FLNB: variants seen among roughly 807,000 people sequenced by gnomAD.
The protein encoded by FLNB is filamin B, also known as filamin-B.
In FLNB, 111 loss-of-function variants were observed where a neutral mutation model predicts 250.6. That is an observed-to-expected ratio of 0.44 (90% CI 0.38 to 0.52). FLNB has a LOEUF of 0.52. FLNB is among the 20% of genes least tolerant of loss of function. The probability of loss-of-function intolerance (pLI) is 0.00; values close to 1 mark genes in which losing one functional copy is unlikely to be tolerated. For missense variants in FLNB, 2,869 were observed against 3,447.8 expected (o/e 0.83, Z 4.20); for synonymous variants, 1,302 against 1,372.1 (o/e 0.95, Z 1.13).
In FLNB at chr3:58,081,791, T is replaced by G; in HGVS notation, c.787+15T>G. On this transcript the variant is annotated intron_variant, in intron 4 of 45. Transcript: ENST00000295956. ...CTATGGCAGAGGTGAGTGCTGGTCC[T>G]CTGGTGTTGTATTGGAGACATGTCC... is the stretch of plus-strand genomic sequence containing the variant. 1 of 1,614,030 alleles carries G rather than the reference T, an allele frequency of 6.2e-7. No homozygotes were observed. Among genetic ancestry groups the G allele is most frequent in the African/African-American group, 1.3e-5 (1 of 75,040 alleles).
At chr3:58,070,298 C>A (rs767736209) in intron 1 of FLNB, among the ~76,000 whole-genome samples, 1 of 152,058 alleles carries the variant, frequency 6.6e-6, no homozygotes, top group Non-Finnish European at 1.5e-5. Flanking sequence ...CCTGCCTCGG[C>A]CTCCCAAAGT....
At chr3:58,051,477 C>G (rs1233813024) in intron 1 of FLNB, among the ~76,000 whole-genome samples, 1 of 152,148 alleles carries the variant, frequency 6.6e-6, no homozygotes, top group East Asian at 1.9e-4. Flanking sequence ...TATACTTTTT[C>G]TGGTCTGCTA....
chr3:58,041,235 C>T (rs1218191710), intron 1 of FLNB, among the ~76,000 whole-genome samples: 1 of 152,202 alleles, frequency 6.6e-6, no homozygotes, highest in Non-Finnish European at 1.5e-5. Context: ...CTTTCAGTAT[C>T]ACTTTATGAT....
intron 20 of FLNB, 127 bp downstream of exon 20, chr3:58,121,630 C>A: frequency 1.6e-6 from 2 of 1,215,036 alleles, no homozygotes; most frequent in Non-Finnish European, 2.4e-6. Context: ...GCACAATTCA[C>A]TGTGAAAGGT....
intron 1 of FLNB, among the ~76,000 whole-genome samples, chr3:58,033,395 TTTG>T (rs1223805652): frequency 7.6e-6 from 1 of 132,070 alleles, no homozygotes. Context: ...AGTATGCTGT[TTTG>T]TTTTTTTTTG....
At chr3:58,073,831 C>A (rs2097198066) in intron 1 of FLNB, among the ~76,000 whole-genome samples, 1 of 152,196 alleles carries the variant, frequency 6.6e-6, no homozygotes, top group South Asian at 2.1e-4. Context: ...ACTGACAGGT[C>A]CCAGCTTTTT....
intron 1 of FLNB, among the ~76,000 whole-genome samples, chr3:58,029,107 G>A (rs1307554330): frequency 6.6e-6 from 1 of 151,962 alleles, no homozygotes; most frequent in African/African-American, 2.4e-5. Flanking sequence ...GTCATTGTTT[G>A]TTGTTTTTAT....
intron 1 of FLNB, among the ~76,000 whole-genome samples, chr3:58,060,769 CAAAAAAAAAAAAAAAAA>C (rs71091334): frequency 6.2e-5 from 4 of 64,210 alleles, no homozygotes; most frequent in African/African-American, 1.2e-4. Context: ...GACCTTGTCT[CAAAAAAAAAAAAAAAAA>C]AAAAAAAAAA....
At chr3:58,103,181 C>T (rs933388145) in intron 9 of FLNB, among the ~76,000 whole-genome samples, 20 of 152,134 alleles carry the variant, frequency 1.3e-4, no homozygotes, top group Admixed American at 1.3e-4. Context: ...TGAGGGTAGC[C>T]GAGGTTCTAG....
At chr3:58,073,623 T>C (rs907652663) in intron 1 of FLNB, among the ~76,000 whole-genome samples, 1 of 151,968 alleles carries the variant, frequency 6.6e-6, no homozygotes, top group Non-Finnish European at 1.5e-5. Flanking sequence ...AAACAACACT[T>C]ATTCATTGTC....
intron 24 of FLNB, 130 bp downstream of exon 24, chr3:58,126,892 T>A: frequency 2.4e-6 from 2 of 830,644 alleles, no homozygotes; most frequent in Non-Finnish European, 4.0e-6. Context: ...AGAGTTTTTC[T>A]TAGGGCTACA....
At chr3:58,114,258 A>T (rs998913616) in intron 18 of FLNB, among the ~76,000 whole-genome samples, 2 of 152,038 alleles carry the variant, frequency 1.3e-5, no homozygotes, top group Admixed American at 6.6e-5. Flanking sequence ...GGCACGTGCC[A>T]CCATGCCCAG....
At chr3:58,028,607 TTTTC>T (rs1380677759) in intron 1 of FLNB, among the ~76,000 whole-genome samples, 11 of 132,032 alleles carry the variant, frequency 8.3e-5, no homozygotes, top group African/African-American at 4.1e-4. Flanking sequence ...AAAAATTTTT[TTTTC>T]TTTTCTTTTT....
chr3:58,038,486 T>C, intron 1 of FLNB, among the ~76,000 whole-genome samples: 1 of 151,856 alleles, frequency 6.6e-6, no homozygotes, highest in East Asian at 1.9e-4. Context: ...TTGCCCAGGC[T>C]GGAGTACGAC....
intron 4 of FLNB, among the ~76,000 whole-genome samples, chr3:58,089,624 G>T (rs964932028): frequency 2.0e-5 from 3 of 150,126 alleles, no homozygotes; most frequent in Non-Finnish European, 4.4e-5. Flanking sequence ...TCTCAACAAA[G>T]AAATACAATG....
chr3:58,031,780 G>A (rs2106761496), intron 1 of FLNB, among the ~76,000 whole-genome samples: 1 of 151,886 alleles, frequency 6.6e-6, no homozygotes, highest in East Asian at 2.0e-4. Flanking sequence ...CTGGGTTCAA[G>A]CCATCCTCCC....
intron 24 of FLNB, among the ~76,000 whole-genome samples, chr3:58,130,349 C>T (rs181467050): frequency 2.6e-5 from 4 of 152,212 alleles, no homozygotes; most frequent in South Asian, 4.2e-4. Context: ...CCTCTTGTGC[C>T]GCAACTGAGA....
intron 1 of FLNB, among the ~76,000 whole-genome samples, chr3:58,056,103 TTA>T (rs1217641880): frequency 1.5e-5 from 2 of 131,726 alleles, no homozygotes; most frequent in African/African-American, 8.1e-5. Flanking sequence ...ATTTATTTAT[TTA>T]TTTTTTTTTT....
In FLNB at chr3:58,142,883, C is replaced by T; in HGVS notation, c.5284+131C>T. 1.3e-6 allele frequency: 1 copy of T among 774,748 alleles called. No homozygotes were observed. The highest frequency in any genetic ancestry group is 2.6e-5 in the East Asian group (1 of 38,694). 48.0% of individuals were successfully genotyped at this position (774,748 alleles called of 1,614,324 possible). ...ACCCAGGGTCACGAGTTCTTGGTCTCCGGTGTTGGGCCGTGGGCTCCTGAA... is the reference window on the plus strand; with the variant it reads ...ACCCAGGGTCACGAGTTCTTGGTCTTCGGTGTTGGGCCGTGGGCTCCTGAA... On this transcript the variant is annotated intron_variant, in intron 31 of 45. Transcript: ENST00000295956. The surrounding 1 kb of genome is among the most constrained non-coding windows in gnomAD (Gnocchi z 4.3).
Sources: gnomAD v4.1 joint callset for allele counts (sites outside exome capture counted in the v4.1 genomes callset) on GRCh38, gnomAD v4.1.1 for gene constraint, Gnocchi (gnomAD v3.1) non-coding constraint, MANE v1.5 for transcripts, NCBI Gene and HGNC (gene_info 2026-07-23, HGNC 2026-07-21) for gene names.